Variants in SHISA9 observed in about 807,000 individuals in gnomAD.
SHISA9 encodes the protein shisa family member 9, also known as protein shisa-9.
A neutral mutation model predicts 38.0 loss-of-function variants in SHISA9; 13 were observed. The observed-to-expected ratio is 0.34, with a 90% CI of 0.22 to 0.54. The LOEUF is 0.54. Among genes scored for constraint, SHISA9 ranks in the 20% least tolerant of loss-of-function variants. The pLI is 0.91. For missense variants in SHISA9, 538 were observed against 575.8 expected, an observed-to-expected ratio of 0.93 and a Z score of 0.67; for synonymous variants, 275 against 242.0, an observed-to-expected ratio of 1.14 and a Z score of -1.27.
At chr16:13,494,923 A>T in the SHISA9 span, among the ~76,000 whole-genome samples, 1 of 152,226 alleles carries the variant, frequency 6.6e-6, no homozygotes, top group Non-Finnish European at 1.5e-5. Context: ...GATACATGCA[A>T]CACCCTGCAT....
the SHISA9 span, among the ~76,000 whole-genome samples, chr16:13,451,799 T>G: frequency 6.6e-6 from 1 of 152,236 alleles, no homozygotes; most frequent in Admixed American, 6.5e-5. Context: ...TCAAGAAGTT[T>G]GGAATCCTGG....
At chr16:13,314,450 G>T in the SHISA9 span, among the ~76,000 whole-genome samples, 5 of 152,012 alleles carry the variant, frequency 3.3e-5, no homozygotes, top group Non-Finnish European at 7.4e-5. Context: ...GTGTTGGCCA[G>T]GCTGGTCTCA....
chr16:13,225,485 T>C (rs1273911343), intron 4 of SHISA9, among the ~76,000 whole-genome samples: 2 of 152,158 alleles, frequency 1.3e-5, no homozygotes, highest in Admixed American at 6.5e-5. Context: ...TTCTTAAGTG[T>C]AATGAGAAGA....
chr16:13,490,087 A>G, the SHISA9 span, among the ~76,000 whole-genome samples: 1 of 152,204 alleles, frequency 6.6e-6, no homozygotes, highest in South Asian at 2.1e-4. Flanking sequence ...CATACAAGAT[A>G]GTAAGTCAAA....
At chr16:12,976,340 C>T (rs1596560400) in intron 2 of SHISA9, among the ~76,000 whole-genome samples, 1 of 152,240 alleles carries the variant, frequency 6.6e-6, no homozygotes, top group South Asian at 2.1e-4. Context: ...ATCTGCCTGC[C>T]TCAGCCTCCC....
intron 2 of SHISA9, among the ~76,000 whole-genome samples, chr16:13,021,983 G>A (rs1425342974): frequency 6.6e-6 from 1 of 152,084 alleles, no homozygotes; most frequent in Non-Finnish European, 1.5e-5. Context: ...CAAGGCTTTG[G>A]TGGGGCTGCG....
chr16:13,059,228 T>C (rs542083834), intron 2 of SHISA9, among the ~76,000 whole-genome samples: 2 of 148,542 alleles, frequency 1.3e-5, no homozygotes, highest in Admixed American at 6.8e-5. Context: ...CCCGGGTTCA[T>C]GCCATTCTCT....
intron 2 of SHISA9, among the ~76,000 whole-genome samples, chr16:13,130,721 G>C (rs2050299142): frequency 6.6e-6 from 1 of 152,168 alleles, no homozygotes; most frequent in South Asian, 2.1e-4. Context: ...TTTAGACTTT[G>C]TGTACCATGC....
chr16:13,013,084 G>A (rs2072698326), intron 2 of SHISA9, among the ~76,000 whole-genome samples: 1 of 152,236 alleles, frequency 6.6e-6, no homozygotes, highest in Non-Finnish European at 1.5e-5. Flanking sequence ...AAAGGCCGAG[G>A]AAGCAGGACC....
the SHISA9 span, among the ~76,000 whole-genome samples, chr16:13,407,855 G>A: frequency 6.6e-6 from 1 of 152,198 alleles, no homozygotes; most frequent in Non-Finnish European, 1.5e-5. Context: ...GTGTAATTCA[G>A]TGATGTTTGG....
intron 2 of SHISA9, among the ~76,000 whole-genome samples, chr16:12,922,471 C>T (rs1414498446): frequency 6.6e-6 from 1 of 152,228 alleles, no homozygotes; most frequent in Non-Finnish European, 1.5e-5. Context: ...GAGAGGACTT[C>T]ACTGTCTACA....
rs2051422545 is a variant in SHISA9, at chr16:13,240,099, C to G, written c.*4690C>G. On this transcript the variant is annotated 3_prime_UTR_variant, in exon 5 of 5. Coordinates refer to ENST00000558583, the MANE Select transcript of SHISA9 (RefSeq NM_001145204.3). ...GTTTCCAACCCAATGGGACCAGAGT[C>G]TGACTTCCCTTTGCCCTTTCACAGT... 6.6e-6 allele frequency: 1 copy of G among 152,324 alleles called. No homozygotes were observed. Among genetic ancestry groups the G allele is most frequent in the Non-Finnish European group, 1.5e-5 (1 of 68,110 alleles). The allele number at this position is 152,324 out of a possible 1,614,324, so 9.4% of individuals were successfully genotyped here. A position where few individuals can be genotyped will look rare whatever the true frequency, so the allele number is the denominator to read the frequency against.
At chr16:13,324,584 A>G in the SHISA9 span, among the ~76,000 whole-genome samples, 1 of 152,182 alleles carries the variant, frequency 6.6e-6, no homozygotes, top group Non-Finnish European at 1.5e-5. Context: ...GGCATCCTCA[A>G]ATGGCCTTGG....
chr16:13,551,423 A>G, the SHISA9 span, among the ~76,000 whole-genome samples: 3 of 152,212 alleles, frequency 2.0e-5, no homozygotes, highest in Non-Finnish European at 2.9e-5. Flanking sequence ...GTACATGAGT[A>G]CATGAATGGG....
At chr16:13,270,542 C>A in the SHISA9 span, among the ~76,000 whole-genome samples, 1 of 152,168 alleles carries the variant, frequency 6.6e-6, no homozygotes, top group Admixed American at 6.5e-5. Context: ...GAAATCCTTG[C>A]TCTGCAGAGA....
the SHISA9 span, among the ~76,000 whole-genome samples, chr16:13,508,677 C>A: frequency 2.0e-5 from 3 of 152,060 alleles, no homozygotes; most frequent in Non-Finnish European, 4.4e-5. Context: ...ATCCATTAAG[C>A]CTTTTGGGTA....
intron 2 of SHISA9, among the ~76,000 whole-genome samples, chr16:12,929,441 A>G (rs1402855585): frequency 1.3e-5 from 2 of 152,238 alleles, no homozygotes; most frequent in African/African-American, 4.8e-5. Flanking sequence ...CAGATACACC[A>G]TGGAATACTA....
the SHISA9 span, among the ~76,000 whole-genome samples, chr16:13,555,091 C>G: frequency 6.6e-6 from 1 of 152,144 alleles, no homozygotes; most frequent in African/African-American, 2.4e-5. Context: ...TAACTAAGAC[C>G]AGGAACCTGA....
the SHISA9 span, among the ~76,000 whole-genome samples, chr16:13,248,624 G>A: frequency 2.6e-5 from 4 of 152,146 alleles, no homozygotes. Flanking sequence ...GGTAAGATAT[G>A]TAAACCACTT....
Sources: gnomAD v4.1 joint callset for allele counts (sites outside exome capture counted in the v4.1 genomes callset) on GRCh38, gnomAD v4.1.1 for gene constraint, MANE v1.5 for transcripts, NCBI Gene and HGNC (gene_info 2026-07-23, HGNC 2026-07-21) for gene names.